The following DLG2 variants were observed in gnomAD, a reference collection of about 807,000 sequenced individuals.
The protein encoded by DLG2 is discs large MAGUK scaffold protein 2.
In DLG2, 45 loss-of-function variants were observed where a neutral mutation model predicts 132.5. That is an observed-to-expected ratio of 0.34 (90% CI 0.27 to 0.44). The LOEUF is 0.44. Ranked by LOEUF, DLG2 falls within the 20% of genes least tolerant of loss-of-function variation. The pLI, the probability that DLG2 is intolerant of heterozygous loss-of-function variation, is 1.00. For synonymous variants in DLG2, 424 were observed against 419.6 expected, an observed-to-expected ratio of 1.01 and a Z score of -0.13; for missense variants, 1,045 against 1,196.9, an observed-to-expected ratio of 0.87 and a Z score of 1.87.
At position 85,283,368 on chromosome 11, in the gene DLG2, A is replaced by G. The variant is rs189700410; in HGVS notation, c.186+1852T>C. On this transcript the variant is annotated intron_variant, in intron 4 of 27. Coordinates refer to ENST00000376104, the MANE Select transcript of DLG2 (RefSeq NM_001142699.3). ...TTAACTAGTCCTAGAATGAAGAAAG[A>G]TAAAGCAAAGAAGAAAGAATTTTTT... 9.3e-3 allele frequency among the ~76,000 whole-genome samples: 1,412 copies of G among 152,010 alleles called. 7 individuals are homozygous for G. Among genetic ancestry groups the G allele is most frequent in the Non-Finnish European group, 0.016 (1,096 of 67,890 alleles).
chr11:84,944,541 T>C (rs2049935592), intron 6 of DLG2, among the ~76,000 whole-genome samples: 1 of 151,934 alleles, frequency 6.6e-6, no homozygotes, highest in Non-Finnish European at 1.5e-5. Flanking sequence ...GTTCAATATA[T>C]CAATTGAATT....
intron 6 of DLG2, among the ~76,000 whole-genome samples, chr11:84,992,476 C>T (rs2057225591): frequency 6.6e-6 from 1 of 152,180 alleles, no homozygotes; most frequent in Non-Finnish European, 1.5e-5. Context: ...TTCTCTTTAG[C>T]ATCTCCTGAG....
chr11:85,495,874 G>A (rs191011964), intron 3 of DLG2, among the ~76,000 whole-genome samples: 88 of 152,198 alleles, frequency 5.8e-4, no homozygotes, highest in Admixed American at 1.0e-3. Flanking sequence ...GATTTGGAAC[G>A]AACCCAAATG....
chr11:84,117,615 T>C (rs1453586906), intron 9 of DLG2, among the ~76,000 whole-genome samples: 1 of 152,212 alleles, frequency 6.6e-6, no homozygotes, highest in Non-Finnish European at 1.5e-5. Context: ...TGGGTTCAGA[T>C]AACCAGTTGG....
At chr11:83,645,410 A>T (rs1442152592) in intron 18 of DLG2, among the ~76,000 whole-genome samples, 1 of 152,110 alleles carries the variant, frequency 6.6e-6, no homozygotes, top group African/African-American at 2.4e-5. Context: ...AGCCTAAGGA[A>T]TATTTATAGA....
rs1457169645 is a variant in DLG2 at position 84,468,010 on chromosome 11, C to A, written c.519+66560G>T. 3.3e-5 allele frequency among the ~76,000 whole-genome samples: 5 copies of A among 151,422 alleles called. No individual in the cohort carries two copies. In the East Asian group the frequency reaches 9.7e-4, roughly 29 times the overall value. ...AACATTCCATTCAGTTTGAAAATTACCATAATAAATTGCTGGAAAAATACA... is the reference window on the plus strand; with the variant it reads ...AACATTCCATTCAGTTTGAAAATTAACATAATAAATTGCTGGAAAAATACA... On this transcript the variant is annotated intron_variant, in intron 7 of 27. Transcript: ENST00000376104.
intron 6 of DLG2, among the ~76,000 whole-genome samples, chr11:84,919,712 ATAAAGT>A (rs1346354650): frequency 6.6e-6 from 1 of 152,206 alleles, no homozygotes; most frequent in East Asian, 1.9e-4. Flanking sequence ...GATGAGGAAG[ATAAAGT>A]TATTTAGAAA....
intron 7 of DLG2, among the ~76,000 whole-genome samples, chr11:84,304,781 C>T (rs934442222): frequency 5.3e-5 from 8 of 152,154 alleles, no homozygotes; most frequent in African/African-American, 1.9e-4. Context: ...CTACACAAAA[C>T]GAAGTATCAG....
intron 3 of DLG2, among the ~76,000 whole-genome samples, chr11:85,356,628 C>A (rs2083711665): frequency 6.6e-6 from 1 of 152,124 alleles, no homozygotes; most frequent in Non-Finnish European, 1.5e-5. Context: ...ATGTACTAGT[C>A]CATTGATCAG....
intron 6 of DLG2, among the ~76,000 whole-genome samples, chr11:84,810,137 C>T (rs2187359): frequency 0.33 from 50,741 of 151,808 alleles, 8,989 homozygotes; most frequent in African/African-American, 0.4. Flanking sequence ...ATTGAAAACA[C>T]TGCACTGGAA....
chr11:85,506,538 T>TAGGATTAATTAGAA (rs1263412019), intron 3 of DLG2, among the ~76,000 whole-genome samples: 8 of 149,290 alleles, frequency 5.4e-5, no homozygotes, highest in East Asian at 4.0e-4. Context: ...TGAGTAAGTT[T>TAGGATTAATTAGAA]CTTAATCCTG....
chr11:84,566,736 G>A (rs1436696925), intron 6 of DLG2, among the ~76,000 whole-genome samples: 2 of 152,202 alleles, frequency 1.3e-5, no homozygotes, highest in African/African-American at 4.8e-5. Flanking sequence ...ACAGCTGTTT[G>A]TAGTCAAGAG....
chr11:84,552,717 C>T (rs1010432910), intron 6 of DLG2, among the ~76,000 whole-genome samples: 1 of 152,156 alleles, frequency 6.6e-6, no homozygotes, highest in African/African-American at 2.4e-5. Context: ...TCAGTGGGTC[C>T]TAATAAATGT....
chr11:84,130,984 A>T (rs76929518), intron 9 of DLG2, among the ~76,000 whole-genome samples: 4,267 of 152,174 alleles, frequency 0.028, 197 homozygotes, highest in African/African-American at 0.093. Flanking sequence ...AGATATTTAA[A>T]TCAGAAAAAC....
intron 6 of DLG2, among the ~76,000 whole-genome samples, chr11:84,886,862 T>C (rs570375023): frequency 5.6e-4 from 86 of 152,266 alleles, no homozygotes; most frequent in African/African-American, 2.0e-3. Flanking sequence ...CTGAGATACC[T>C]ATTTTAAACT....
At chr11:84,543,625 A>G (rs781466546) in intron 6 of DLG2, among the ~76,000 whole-genome samples, 3 of 152,150 alleles carry the variant, frequency 2.0e-5, no homozygotes, top group Non-Finnish European at 2.9e-5. Context: ...TGTTTGTTGA[A>G]TAAGTAAGTA....
At chr11:83,979,454 G>T (rs1008436115) in intron 12 of DLG2, among the ~76,000 whole-genome samples, 34 of 152,234 alleles carry the variant, frequency 2.2e-4, no homozygotes, top group African/African-American at 8.2e-4. Flanking sequence ...TACAATATTC[G>T]ATTATTATCC....
In DLG2 at chr11:83,947,350, C is replaced by G. The variant is rs61689507; in HGVS notation, c.1340+15535G>C. Among the ~76,000 whole-genome samples, 29 of 152,182 alleles carry G rather than the reference C, an allele frequency of 1.9e-4. 2 individuals are homozygous for G. The East Asian group carries it at 5.6e-3, about 29-fold the overall frequency. ...TTGACAGATTCTTCTTAATTAACAT[C>G]AGTATATGTTTTTAAAAGGCATTGA... is the stretch of plus-strand genomic sequence containing the variant. On this transcript the variant is annotated intron_variant, in intron 14 of 27. Coordinates refer to ENST00000376104, the MANE Select transcript of DLG2 (RefSeq NM_001142699.3).
chr11:85,319,131 A>C (rs1184195700), intron 3 of DLG2, among the ~76,000 whole-genome samples: 1 of 151,898 alleles, frequency 6.6e-6, no homozygotes, highest in Non-Finnish European at 1.5e-5. Flanking sequence ...CTTCAGGATA[A>C]TGTGAAGCTA....
Sources: gnomAD v4.1 joint callset for allele counts (sites outside exome capture counted in the v4.1 genomes callset) on GRCh38, gnomAD v4.1.1 for gene constraint, MANE v1.5 for transcripts, NCBI Gene and HGNC (gene_info 2026-07-23, HGNC 2026-07-21) for gene names.